ITM2B: variants seen among roughly 807,000 people sequenced by gnomAD.
ITM2B encodes the protein integral membrane protein 2B, also known as ABri/ADan amyloid peptide.
In ITM2B, 11 loss-of-function variants were observed where a neutral mutation model predicts 27.8. The observed-to-expected ratio is 0.40, with a 90% CI of 0.25 to 0.66. The LOEUF is 0.66. ITM2B is among the 30% of genes least tolerant of loss of function. The pLI is 0.43. For missense variants in ITM2B, 296 were observed against 328.9 expected (o/e 0.90, Z 0.77); for synonymous variants, 114 against 114.3 (o/e 1.00, Z 0.02).
intron 1 of ITM2B, among the ~76,000 whole-genome samples, chr13:48,235,584 CAG>C (rs1566157148): frequency 1.3e-5 from 2 of 152,336 alleles, no homozygotes; most frequent in East Asian, 3.9e-4. Context: ...ACCTTAATGA[CAG>C]ACTTTTGTGA....
intron 1 of ITM2B, among the ~76,000 whole-genome samples, chr13:48,253,429 G>A (rs549390759): frequency 6.6e-6 from 1 of 152,162 alleles, no homozygotes; most frequent in South Asian, 2.1e-4. Flanking sequence ...AATGTACAAG[G>A]CTCATCATCA....
chr13:48,256,451 T>G (rs1169703646), intron 3 of ITM2B, 68 bp downstream of exon 3: 1 of 1,190,544 alleles, frequency 8.4e-7, no homozygotes, highest in Non-Finnish European at 1.2e-6. Flanking sequence ...GTAGTTTTAA[T>G]TTCAATATTT....
At chr13:48,255,435 C>G (rs1346009089) in intron 2 of ITM2B, among the ~76,000 whole-genome samples, 1 of 152,044 alleles carries the variant, frequency 6.6e-6, no homozygotes, top group African/African-American at 2.4e-5. Context: ...GCTAGGACTA[C>G]AGGTGCGTGG....
intron 1 of ITM2B, among the ~76,000 whole-genome samples, chr13:48,248,505 T>C (rs909370038): frequency 1.3e-5 from 2 of 152,126 alleles, no homozygotes; most frequent in Non-Finnish European, 2.9e-5. Context: ...TTTTTGTTGC[T>C]GACAATGTAG....
chr13:48,260,350 G>T (rs1290138401), intron 5 of ITM2B, among the ~76,000 whole-genome samples: 1 of 152,162 alleles, frequency 6.6e-6, no homozygotes, highest in Non-Finnish European at 1.5e-5. Context: ...ATAATCCTTT[G>T]TGTATATGCC....
chr13:48,243,955 A>C (rs939267639), intron 1 of ITM2B, among the ~76,000 whole-genome samples: 1 of 152,184 alleles, frequency 6.6e-6, no homozygotes, highest in Non-Finnish European at 1.5e-5. Context: ...AATTTGCCTA[A>C]GCTGTTTGAG....
Position 48,248,486 on chromosome 13 carries a change from C to T in ITM2B, c.118-5322C>T, listed in dbSNP as rs189362441. 5.7e-3 allele frequency among the ~76,000 whole-genome samples: 869 copies of T among 151,822 alleles called. 6 individuals carry two copies. The highest frequency in any genetic ancestry group is 9.5e-3 in the Non-Finnish European group (642 of 67,922). The stretch of plus-strand genomic sequence containing the variant: ...TATATGAATCTATAATAATTTATTT[C>T]GAATTTTTTTTTTGTTGCTGACAAT... On this transcript the variant is annotated intron_variant, in intron 1 of 5. Transcript: ENST00000647800.
chr13:48,238,084 T>C (rs1186527844), intron 1 of ITM2B, among the ~76,000 whole-genome samples: 7 of 152,202 alleles, frequency 4.6e-5, no homozygotes, highest in Non-Finnish European at 5.9e-5. Flanking sequence ...CTAAATGATA[T>C]ACAAAATATT....
intron 5 of ITM2B, 48 bp from the exon 6 acceptor site, chr13:48,261,091 A>G (rs776016658): frequency 1.0e-5 from 12 of 1,173,268 alleles, no homozygotes; most frequent in Non-Finnish European, 1.5e-5. Flanking sequence ...GTGAATATTT[A>G]TTATTAAAGA....
At chr13:48,245,186 C>T (rs904616122) in intron 1 of ITM2B, among the ~76,000 whole-genome samples, 3 of 152,082 alleles carry the variant, frequency 2.0e-5, no homozygotes, top group African/African-American at 4.8e-5. Context: ...GTTAGCTGGG[C>T]CTGGTGGCAT....
chr13:48,257,363 T>C (rs755605420), intron 3 of ITM2B, among the ~76,000 whole-genome samples: 16 of 152,218 alleles, frequency 1.1e-4, no homozygotes, highest in Non-Finnish European at 1.8e-4. Context: ...ATTTTTTGTT[T>C]TTTCAAATCA....
Position 48,265,584 on chromosome 13 carries a change from A to G in ITM2B, c.*4360A>G, listed in dbSNP as rs74665947. On this transcript the variant is annotated 3_prime_UTR_variant, in exon 6 of 6. Transcript: ENST00000647800. The stretch of plus-strand genomic sequence containing the variant: ...CCTGGCTTCCCCTGGTTCTTAGGAT[A>G]AAGACCAAAATACTTAATGCTGCAC... The G allele has an allele frequency of 0.028, 4,269 of 152,540 alleles. 195 individuals carry two copies. The highest frequency in any genetic ancestry group is 0.097 in the African/African-American group (4,025 of 41,550). 9.4% of individuals were successfully genotyped at this position (152,540 alleles called of 1,614,324 possible). A position where few individuals can be genotyped will look rare whatever the true frequency, so the allele number is the denominator to read the frequency against.
intron 2 of ITM2B, 23 bp downstream of exon 2, chr13:48,253,959 G>A: frequency 6.3e-7 from 1 of 1,585,094 alleles, no homozygotes; most frequent in Non-Finnish European, 8.6e-7. Flanking sequence ...ATTATTTTGT[G>A]TCTCTGATTT....
chr13:48,256,932 C>A (rs1056844533), intron 3 of ITM2B, among the ~76,000 whole-genome samples: 2 of 152,274 alleles, frequency 1.3e-5, no homozygotes, highest in Admixed American at 6.5e-5. Context: ...ATAATTATCA[C>A]ATCTAAGAAA....
intron 1 of ITM2B, among the ~76,000 whole-genome samples, chr13:48,252,543 C>T (rs9332270): frequency 7.0e-4 from 107 of 152,296 alleles, no homozygotes; most frequent in South Asian, 3.3e-3. Context: ...GGTTTCACCC[C>T]GAAACCATAT....
intron 4 of ITM2B, 94 bp downstream of exon 4, chr13:48,258,330 CA>C (rs1422261534): frequency 3.9e-6 from 3 of 767,294 alleles, no homozygotes; most frequent in African/African-American, 3.4e-5. Context: ...CCCATTTTAT[CA>C]GACTGTAGTT....
chr13:48,233,530 C>CT, intron 1 of ITM2B, 53 bp downstream of exon 1: 1 of 1,245,402 alleles, frequency 8.0e-7, no homozygotes. Context: ...CCGGGGAGGG[C>CT]TGCGCGGACT....
At chr13:48,235,025 T>TATATAC (rs543054914) in intron 1 of ITM2B, among the ~76,000 whole-genome samples, 7,045 of 152,074 alleles carry the variant, frequency 0.046, 316 homozygotes, top group African/African-American at 0.11. Context: ...TATATATATA[T>TATATAC]ACACACATAC....
intron 3 of ITM2B, among the ~76,000 whole-genome samples, chr13:48,257,069 T>C (rs1008921380): frequency 2.6e-5 from 4 of 152,246 alleles, no homozygotes; most frequent in African/African-American, 7.2e-5. Flanking sequence ...TTCCTGTTAG[T>C]GTACATATAT....
Sources: allele counts gnomAD v4.1 joint callset (sites outside exome capture counted in the v4.1 genomes callset), GRCh38; gene constraint gnomAD v4.1.1; transcripts MANE v1.5; gene names NCBI Gene and HGNC (gene_info 2026-07-23, HGNC 2026-07-21).